SYT1: variants seen among roughly 807,000 people sequenced by gnomAD.
The protein encoded by SYT1 is synaptotagmin-1.
In SYT1, 8 loss-of-function variants were observed where a neutral mutation model predicts 44.8. The observed-to-expected ratio is 0.18, with a 90% CI of 0.10 to 0.32. SYT1 has a LOEUF of 0.32. SYT1 is among the 10% of genes least tolerant of loss of function. SYT1 has a pLI of 1.00. For missense variants in SYT1, 286 were observed against 509.3 expected, an observed-to-expected ratio of 0.56 and a Z score of 4.22; for synonymous variants, 154 against 188.8, an observed-to-expected ratio of 0.82 and a Z score of 1.51.
intron 9 of SYT1, among the ~76,000 whole-genome samples, chr12:79,407,859 T>C (rs1247649342): frequency 6.6e-6 from 1 of 152,144 alleles, no homozygotes; most frequent in African/African-American, 2.4e-5. Context: ...GCTGTCTTCT[T>C]TCCTTCCATC....
chr12:79,414,313 T>A (rs887010364), intron 9 of SYT1, among the ~76,000 whole-genome samples: 36 of 152,040 alleles, frequency 2.4e-4, no homozygotes, highest in African/African-American at 8.4e-4. Context: ...GGAGTATGGG[T>A]GTGTACCAGG....
chr12:78,956,196 G>A (rs1057098212), intron 1 of SYT1, among the ~76,000 whole-genome samples: 2 of 151,880 alleles, frequency 1.3e-5, no homozygotes, highest in African/African-American at 2.4e-5. Context: ...GGTATGGGGG[G>A]GCAGAATGTG....
chr12:79,429,818 G>T (rs1326404157), intron 9 of SYT1, among the ~76,000 whole-genome samples: 1 of 152,194 alleles, frequency 6.6e-6, no homozygotes, highest in African/African-American at 2.4e-5. Context: ...CATGGACTTG[G>T]ATTTGTAGTG....
intron 2 of SYT1, among the ~76,000 whole-genome samples, chr12:79,015,129 T>G (rs1287861235): frequency 6.6e-6 from 1 of 151,900 alleles, no homozygotes; most frequent in Non-Finnish European, 1.5e-5. Context: ...AGTTAATGGG[T>G]GCAGCACACC....
intron 6 of SYT1, among the ~76,000 whole-genome samples, chr12:79,293,957 A>C (rs184000809): frequency 3.3e-5 from 5 of 152,258 alleles, no homozygotes; most frequent in African/African-American, 1.2e-4. Flanking sequence ...TTAGGAGCAA[A>C]ACCTCTTATT....
At chr12:79,205,555 T>G (rs951412946) in intron 3 of SYT1, among the ~76,000 whole-genome samples, 5 of 152,222 alleles carry the variant, frequency 3.3e-5, no homozygotes, top group Non-Finnish European at 1.5e-5. Context: ...TAGTTACAAT[T>G]CTGATGTACC....
intron 3 of SYT1, among the ~76,000 whole-genome samples, chr12:79,181,865 A>T (rs4240739): frequency 0.71 from 108,274 of 151,890 alleles, 39,165 homozygotes; most frequent in African/African-American, 0.8. Context: ...CTTTTCCAGA[A>T]CATCTTTATT....
chr12:79,179,536 T>TAG (rs375190783), intron 3 of SYT1, among the ~76,000 whole-genome samples: 103 of 135,552 alleles, frequency 7.6e-4, no homozygotes, highest in Non-Finnish European at 1.2e-3. Context: ...GATATAGATA[T>TAG]AGATATAGAG....
At chr12:78,983,327 A>G (rs1869410080) in intron 2 of SYT1, among the ~76,000 whole-genome samples, 1 of 152,118 alleles carries the variant, frequency 6.6e-6, no homozygotes, top group East Asian at 1.9e-4. Flanking sequence ...CAATGTGGCC[A>G]TTATGGAATC....
chr12:79,108,525 G>A (rs1344594580), intron 3 of SYT1, among the ~76,000 whole-genome samples: 1 of 151,978 alleles, frequency 6.6e-6, no homozygotes, highest in Non-Finnish European at 1.5e-5. Context: ...GACTGATAAG[G>A]ATACAGTGAG....
intron 2 of SYT1, among the ~76,000 whole-genome samples, chr12:79,041,011 G>A (rs1565776564): frequency 2.0e-5 from 3 of 152,100 alleles, no homozygotes; most frequent in African/African-American, 2.4e-5. Context: ...GTACCCTGCT[G>A]TTTTGGTTAC....
At chr12:79,350,397 C>T (rs1295975027) in intron 8 of SYT1, among the ~76,000 whole-genome samples, 1 of 151,956 alleles carries the variant, frequency 6.6e-6, no homozygotes, top group African/African-American at 2.4e-5. Context: ...GGACTACAGG[C>T]GCCCGCCACC....
intron 2 of SYT1, among the ~76,000 whole-genome samples, chr12:78,996,817 A>G (rs988289911): frequency 1.2e-4 from 19 of 152,334 alleles, no homozygotes; most frequent in African/African-American, 4.6e-4. Context: ...CAGCCTGGGA[A>G]ATGCAGTGCT....
intron 9 of SYT1, among the ~76,000 whole-genome samples, chr12:79,370,695 G>T (rs540252623): frequency 6.6e-6 from 1 of 151,996 alleles, no homozygotes; most frequent in African/African-American, 2.4e-5. Context: ...CCCGGGAGGC[G>T]GAGCTTGCAG....
At chr12:79,251,214 C>T (rs1555211513) in intron 4 of SYT1, among the ~76,000 whole-genome samples, 1 of 152,062 alleles carries the variant, frequency 6.6e-6, no homozygotes, top group Non-Finnish European at 1.5e-5. Context: ...AGACTTATAT[C>T]CACCCTTAAA....
chr12:79,342,986 T>A (rs552619867), intron 8 of SYT1, among the ~76,000 whole-genome samples: 2 of 152,258 alleles, frequency 1.3e-5, no homozygotes, highest in African/African-American at 4.8e-5. Context: ...AAGATTAGTT[T>A]ATGAAGAAAA....
At position 79,040,563 on chromosome 12, in the gene SYT1, T is replaced by A. The variant is rs1592689142; in HGVS notation, c.-83-6734T>A. Among the ~76,000 whole-genome samples the A allele has an allele frequency of 2.6e-5, 4 of 152,184 alleles. No homozygotes were observed. The South Asian group carries it at 8.3e-4, about 32-fold the overall frequency. ...AGCAGGTTGCAAAAATTTTCTCCCA[T>A]TTTGTAGGTTGCCTGTTCACTCTGA... is the stretch of plus-strand genomic sequence containing the variant. On this transcript the variant is annotated intron_variant, in intron 2 of 10. Transcript: ENST00000261205.
intron 4 of SYT1, among the ~76,000 whole-genome samples, chr12:79,221,949 A>G (rs1416980831): frequency 6.6e-6 from 1 of 152,100 alleles, no homozygotes. Flanking sequence ...TTTTAACTTG[A>G]AGAACTCCCC....
At chr12:78,966,515 G>T (rs567442794) in intron 1 of SYT1, among the ~76,000 whole-genome samples, 6 of 152,068 alleles carry the variant, frequency 3.9e-5, no homozygotes, top group African/African-American at 1.4e-4. Context: ...GATCCATTTT[G>T]CCTAGCAAAC....
Sources: gnomAD v4.1 joint callset for allele counts (sites outside exome capture counted in the v4.1 genomes callset) on GRCh38, gnomAD v4.1.1 for gene constraint, MANE v1.5 for transcripts, NCBI Gene and HGNC (gene_info 2026-07-23, HGNC 2026-07-21) for gene names.